The following DDHD1 variants were observed in gnomAD, a reference collection of about 807,000 sequenced individuals.
DDHD1 encodes DDHD domain containing 1, also known as phospholipase DDHD1.
DDHD1 carries 49 observed loss-of-function variants against 96.4 expected under a neutral mutation model. The ratio of observed to expected loss-of-function variants is 0.51; its 90% CI spans 0.40 to 0.64. The LOEUF is 0.64. Among genes scored for constraint, DDHD1 ranks in the 30% least tolerant of loss-of-function variants. The pLI is 0.00. For missense variants in DDHD1, 1,106 were observed against 1,161.2 expected, an observed-to-expected ratio of 0.95 and a Z score of 0.69; for synonymous variants, 442 against 446.5, an observed-to-expected ratio of 0.99 and a Z score of 0.13.
At chr14:53,118,673 A>C (rs1888740263) in intron 1 of DDHD1, among the ~76,000 whole-genome samples, 1 of 152,356 alleles carries the variant, frequency 6.6e-6, no homozygotes, top group South Asian at 2.1e-4. Context: ...GAAAAGACCA[A>C]ATCTATGTTT....
At chr14:53,064,619 G>A (rs1201257198) in intron 6 of DDHD1, among the ~76,000 whole-genome samples, 1 of 152,048 alleles carries the variant, frequency 6.6e-6, no homozygotes, top group Admixed American at 6.5e-5. Flanking sequence ...ATTTCACTAT[G>A]GAATGAGGCA....
At position 53,044,550 on chromosome 14, in the gene DDHD1, G is replaced by A. The variant is rs553350679; in HGVS notation, c.*2218C>T. On this transcript the variant is annotated 3_prime_UTR_variant, in exon 13 of 13. Transcript: ENST00000673822. Reference sequence around the variant, plus strand: ...CTTTAACGATACAGTCATATAGCATGAGTTTAATTTTCCTGAGAACTAAAT... The same window carrying A: ...CTTTAACGATACAGTCATATAGCATAAGTTTAATTTTCCTGAGAACTAAAT... 6.6e-6 allele frequency: 1 copy of A among 151,944 alleles called. No homozygotes were observed. Among genetic ancestry groups the A allele is most frequent in the Non-Finnish European group, 1.5e-5 (1 of 68,000 alleles). 9.4% of individuals were successfully genotyped at this position (151,944 alleles called of 1,614,324 possible). A position where few individuals can be genotyped will look rare whatever the true frequency, so the allele number is the denominator to read the frequency against.
rs1882880899 is a variant in DDHD1 at position 53,054,597 on chromosome 14, T to G, written c.2278A>C (p.Met760Leu). Residue 760 changes from methionine (M) to leucine (L), a missense_variant, in exon 11 of 13, where the codon ATG (methionine) becomes CTG (leucine). Around this residue, in one of 2 missense-constraint regions of DDHD1, gnomAD observed 650 missense variants for 758.8 expected, o/e 0.86. Coordinates refer to ENST00000673822, the MANE Select transcript of DDHD1 (RefSeq NM_001160148.2). ...GAACGTCCAAATCTTGAGAACAACA[T>G]TCCTCCAAGTCCCTTTCCAATGCTA... The part of the protein sequence containing the change: ...AASIGKGLGG[M>L]LFSRFGRSST... 1 of 1,613,928 alleles carries G rather than the reference T, an allele frequency of 6.2e-7. No homozygotes were observed. Among genetic ancestry groups the G allele is most frequent in the Non-Finnish European group, 8.5e-7 (1 of 1,179,960 alleles).
chr14:53,108,172 C>T (rs955921026), intron 1 of DDHD1, among the ~76,000 whole-genome samples: 1 of 152,214 alleles, frequency 6.6e-6, no homozygotes, highest in Non-Finnish European at 1.5e-5. Flanking sequence ...CGCTGACTTC[C>T]ATCCCTCCGG....
chr14:53,057,559 C>T (rs1307980181), intron 9 of DDHD1, among the ~76,000 whole-genome samples: 1 of 152,104 alleles, frequency 6.6e-6, no homozygotes, highest in Non-Finnish European at 1.5e-5. Flanking sequence ...AATATTGTAG[C>T]ATACTTTAGA....
At chr14:53,062,631 C>A (rs1319884680) in intron 7 of DDHD1, among the ~76,000 whole-genome samples, 1 of 152,060 alleles carries the variant, frequency 6.6e-6, no homozygotes, top group Non-Finnish European at 1.5e-5. Context: ...AACTGGTAAA[C>A]ATTTTCAATA....
At chr14:53,077,018 C>T (rs1414021552) in intron 4 of DDHD1, among the ~76,000 whole-genome samples, 1 of 152,160 alleles carries the variant, frequency 6.6e-6, no homozygotes, top group African/African-American at 2.4e-5. Context: ...ACCAAACCCA[C>T]AATATCTTTG....
intron 2 of DDHD1, among the ~76,000 whole-genome samples, chr14:53,099,514 C>G (rs535305429): frequency 5.3e-5 from 8 of 152,258 alleles, no homozygotes; most frequent in Admixed American, 5.2e-4. Flanking sequence ...ACCCTCAGTA[C>G]GAGTTTTCTC....
chr14:53,103,849 A>C lies in DDHD1; in HGVS notation c.846T>G (p.Asp282Glu), dbSNP rs1887494407. The C allele has an allele frequency of 6.3e-7, 1 of 1,593,908 alleles. No homozygotes were observed. Among genetic ancestry groups the C allele is most frequent in the Non-Finnish European group, 8.5e-7 (1 of 1,174,118 alleles). The change falls in exon 2 of 13, where the codon GAT (aspartate) becomes GAG (glutamate). Residue 282 changes from aspartate (D) to glutamate (E), a missense_variant. Around this residue, in one of 2 missense-constraint regions of DDHD1, gnomAD observed 650 missense variants for 758.8 expected, o/e 0.86. Transcript: ENST00000673822. ...ECYPVYWNQA[D>E]KIPVMRGQWF... ...ACTGTCCACGCATTACTGGTATTTT[A>C]TCAGCCTCTGAAAAAGAGAAATCAC...
At chr14:53,096,239 A>C in intron 2 of DDHD1, 1 of 955,926 alleles carries the variant, frequency 1.0e-6, no homozygotes, top group Non-Finnish European at 1.2e-6. Context: ...AAAAACACTG[A>C]GCTTCAAAGT....
intron 4 of DDHD1, among the ~76,000 whole-genome samples, chr14:53,085,826 A>G (rs1566551128): frequency 6.6e-6 from 1 of 152,238 alleles, no homozygotes; most frequent in Non-Finnish European, 1.5e-5. Flanking sequence ...AGTAGGCTTC[A>G]GAAGGTTGGT....
At chr14:53,059,505 A>G (rs1379198012) in intron 8 of DDHD1, among the ~76,000 whole-genome samples, 1 of 150,658 alleles carries the variant, frequency 6.6e-6, no homozygotes, top group Non-Finnish European at 1.5e-5. Context: ...TTAGCCTCCC[A>G]AAGTGCTGGG....
intron 1 of DDHD1, among the ~76,000 whole-genome samples, chr14:53,116,817 G>C (rs1326439817): frequency 6.6e-6 from 1 of 152,172 alleles, no homozygotes; most frequent in Non-Finnish European, 1.5e-5. Context: ...AAAAGAACTA[G>C]AGAAGCAAGA....
At chr14:53,101,663 C>T (rs1197993337) in intron 2 of DDHD1, among the ~76,000 whole-genome samples, 2 of 152,016 alleles carry the variant, frequency 1.3e-5, no homozygotes, top group South Asian at 4.1e-4. Context: ...CTCACACATA[C>T]ACATACGCAA....
chr14:53,146,235 G>C (rs1385481227), intron 1 of DDHD1, among the ~76,000 whole-genome samples: 6 of 151,730 alleles, frequency 4.0e-5, no homozygotes, highest in African/African-American at 1.5e-4. Context: ...CGGGCGCGGT[G>C]GCTTACACCT....
intron 4 of DDHD1, among the ~76,000 whole-genome samples, chr14:53,075,036 C>T (rs1035892631): frequency 9.8e-4 from 149 of 152,292 alleles, no homozygotes; most frequent in African/African-American, 3.3e-3. Context: ...AACCTTTCTC[C>T]TGCTCCGAGG....
rs2139937661 is a variant in DDHD1, at chr14:53,152,765, C to CGCCGCG, written c.333_334insCGCGGC (p.Gly111_Gly112insArgGly). 2 of 1,586,802 alleles carry CGCCGCG rather than the reference C, an allele frequency of 1.3e-6. No individual in the cohort carries two copies. Among genetic ancestry groups the CGCCGCG allele is most frequent in the Non-Finnish European group, 1.7e-6 (2 of 1,162,418 alleles). On this transcript the variant is annotated inframe_insertion, in exon 1 of 13. Coordinates refer to ENST00000673822, the MANE Select transcript of DDHD1 (RefSeq NM_001160148.2). ...GGCGGGTGCAGCGACAAGGAGCTGC[C>CGCCGCG]GCCGCCGCCGCTCTCACCCTCGCTG...
rs1051498180 is a variant in DDHD1, at chr14:53,046,305, T to C, written c.*463A>G. The stretch of plus-strand genomic sequence containing the variant: ...AATTCAAAACATTTTAAATCTGTTA[T>C]ATTTTTTCAAAGGGATGTACAAATG... On this transcript the variant is annotated 3_prime_UTR_variant, in exon 13 of 13. Coordinates refer to ENST00000673822, the MANE Select transcript of DDHD1 (RefSeq NM_001160148.2). 8 of 152,300 alleles carry C rather than the reference T, an allele frequency of 5.3e-5. No individual in the cohort carries two copies. Among genetic ancestry groups the C allele is most frequent in the African/African-American group, 1.9e-4 (8 of 41,468 alleles). The allele number at this position is 152,300 out of a possible 1,614,324, so 9.4% of individuals were successfully genotyped here.
At chr14:53,074,581 G>T (rs1333297443) in intron 4 of DDHD1, among the ~76,000 whole-genome samples, 1 of 151,638 alleles carries the variant, frequency 6.6e-6, no homozygotes, top group Admixed American at 6.6e-5. Flanking sequence ...TATTTTCCCA[G>T]TTGGACTATA....
Sources: allele counts gnomAD v4.1 joint callset (sites outside exome capture counted in the v4.1 genomes callset), GRCh38; gene constraint gnomAD v4.1.1; regional missense constraint gnomAD v4.1.1; transcripts MANE v1.5; gene names NCBI Gene and HGNC (gene_info 2026-07-23, HGNC 2026-07-21).